Variants in DCDC1 observed in about 807,000 individuals in gnomAD.
DCDC1 encodes doublecortin domain-containing protein 1.
Under a neutral mutation model 178.3 loss-of-function variants are expected in DCDC1, and 200 were observed. That is an observed-to-expected ratio of 1.12 (90% CI 1.00 to 1.26). DCDC1 has a LOEUF of 1.26. DCDC1 is among the 50% of genes most tolerant of loss of function. The pLI is 0.00. For synonymous variants in DCDC1, 690 were observed against 604.8 expected (o/e 1.14, Z -2.07); for missense variants, 1,983 against 1,749.2 (o/e 1.13, Z -2.38).
chr11:31,212,997 C>A (rs986171701), intron 9 of DCDC1, among the ~76,000 whole-genome samples: 2 of 151,836 alleles, frequency 1.3e-5, no homozygotes, highest in African/African-American at 4.8e-5. Flanking sequence ...TAGGAGGAAG[C>A]TTTCTTCCTT....
At chr11:31,322,577 C>T (rs1415115757) in intron 3 of DCDC1, among the ~76,000 whole-genome samples, 1 of 152,010 alleles carries the variant, frequency 6.6e-6, no homozygotes, top group Non-Finnish European at 1.5e-5. Flanking sequence ...GGTTATTTGC[C>T]CTAATGAAAA....
At chr11:31,337,294 C>T (rs776736775) in intron 1 of DCDC1, among the ~76,000 whole-genome samples, 23 of 152,198 alleles carry the variant, frequency 1.5e-4, no homozygotes, top group Non-Finnish European at 2.8e-4. Flanking sequence ...CAAACTGAAA[C>T]TATAAAAAGT....
At chr11:30,899,790 A>T in intron 33 of DCDC1, 148 bp from the exon 34 acceptor site, 1 of 562,694 alleles carries the variant, frequency 1.8e-6, no homozygotes. Flanking sequence ...CTTCATTTGA[A>T]AGATGACAGG....
At chr11:31,268,754 G>A (rs1945349621) in intron 7 of DCDC1, among the ~76,000 whole-genome samples, 1 of 152,148 alleles carries the variant, frequency 6.6e-6, no homozygotes, top group Non-Finnish European at 1.5e-5. Context: ...TGGGATTGCT[G>A]GGTCAAATGG....
At chr11:31,164,659 A>G (rs1228901337) in intron 9 of DCDC1, among the ~76,000 whole-genome samples, 2 of 152,222 alleles carry the variant, frequency 1.3e-5, no homozygotes, top group Non-Finnish European at 2.9e-5. Context: ...GCTAAATCTT[A>G]CTAGAAAACA....
At chr11:30,979,111 G>A (rs1252742687) in intron 20 of DCDC1, among the ~76,000 whole-genome samples, 1 of 151,470 alleles carries the variant, frequency 6.6e-6, no homozygotes, top group African/African-American at 2.4e-5. Flanking sequence ...AAGAAATTTG[G>A]AGAGGGAGGG....
Position 31,141,768 on chromosome 11 carries a change from AT to A in DCDC1, c.1222-3985del, listed in dbSNP as rs1212200729. 2.0e-5 allele frequency among the ~76,000 whole-genome samples: 3 copies of A among 152,286 alleles called. No individual in the cohort carries two copies. The South Asian group carries it at 6.2e-4, about 32-fold the overall frequency. On this transcript the variant is annotated intron_variant, in intron 9 of 38. Transcript: ENST00000684477. ...ATGGTTATAAAGGCCAGCTGCAGGT[AT>A]TTTTTTGGAAAGTGCATTTTAATAA...
At chr11:31,337,657 T>A (rs1179052498) in intron 1 of DCDC1, among the ~76,000 whole-genome samples, 1 of 96,312 alleles carries the variant, frequency 1.0e-5, no homozygotes, top group East Asian at 2.3e-4. Flanking sequence ...TGAGACCCTG[T>A]CTCAATCAAT....
At chr11:31,052,394 C>G (rs191217300) in intron 20 of DCDC1, among the ~76,000 whole-genome samples, 5 of 152,112 alleles carry the variant, frequency 3.3e-5, no homozygotes, top group Admixed American at 1.3e-4. Flanking sequence ...GACCACAACA[C>G]AATAATAGTG....
chr11:31,020,423 A>C (rs1332182254), intron 20 of DCDC1, among the ~76,000 whole-genome samples: 1 of 152,160 alleles, frequency 6.6e-6, no homozygotes, highest in Non-Finnish European at 1.5e-5. Flanking sequence ...TGACAACTCT[A>C]AAACACACAT....
chr11:30,895,390 C>T (rs906062960), intron 34 of DCDC1, among the ~76,000 whole-genome samples: 2 of 152,080 alleles, frequency 1.3e-5, no homozygotes, highest in African/African-American at 4.8e-5. Flanking sequence ...TAGTCTGAGG[C>T]ACAACAGAAG....
chr11:31,284,570 T>C (rs1414193830), intron 7 of DCDC1, among the ~76,000 whole-genome samples: 1 of 151,956 alleles, frequency 6.6e-6, no homozygotes, highest in Non-Finnish European at 1.5e-5. Flanking sequence ...AATGTACATA[T>C]AAAAACTATA....
intron 13 of DCDC1, among the ~76,000 whole-genome samples, chr11:31,104,364 C>T (rs142320212): frequency 1.4e-3 from 209 of 152,226 alleles, no homozygotes; most frequent in African/African-American, 4.8e-3. Context: ...AAATCAACGA[C>T]ATCACCTCTG....
rs1032223946 is a variant in DCDC1, at chr11:31,127,503, G to A, written c.1451C>T (p.Ala484Val). The change falls in exon 11 of 39, where the codon GCA (alanine) becomes GTA (valine). Residue 484 changes from alanine (A) to valine (V), a missense_variant. Transcript: ENST00000684477. Reference sequence around the variant, plus strand: ...CAGGCCTCCTGGGACAAGCGTGTTTGCTGGAAGGCTTTTAATGTGTTGGTA... The same window carrying A: ...CAGGCCTCCTGGGACAAGCGTGTTTACTGGAAGGCTTTTAATGTGTTGGTA... ...YVYQHIKSLPANTLVPGGLQL... is the reference protein window; with the variant it reads ...YVYQHIKSLPVNTLVPGGLQL... 4 of 702,516 alleles carry A rather than the reference G, an allele frequency of 5.7e-6. No individual in the cohort carries two copies. In the African/African-American group the frequency reaches 7.0e-5, roughly 12 times the overall value. 43.5% of individuals were successfully genotyped at this position (702,516 alleles called of 1,614,324 possible).
intron 15 of DCDC1, among the ~76,000 whole-genome samples, chr11:31,101,224 T>C (rs1958482573): frequency 6.6e-6 from 1 of 152,200 alleles, no homozygotes. Flanking sequence ...CTTTTGATTT[T>C]GATTTCATGT....
intron 9 of DCDC1, among the ~76,000 whole-genome samples, chr11:31,197,086 G>A (rs1970780202): frequency 6.6e-6 from 1 of 152,026 alleles, no homozygotes; most frequent in African/African-American, 2.4e-5. Context: ...ACAGGGACAG[G>A]ACCAAATATA....
intron 20 of DCDC1, among the ~76,000 whole-genome samples, chr11:31,062,926 C>T (rs2135475697): frequency 6.8e-6 from 1 of 147,100 alleles, no homozygotes; most frequent in South Asian, 2.3e-4. Context: ...AGGTATATCT[C>T]CTAATGTTAT....
chr11:30,909,085 T>C lies in DCDC1; in HGVS notation c.3779A>G (p.Asn1260Ser), dbSNP rs1461827773. The C allele has an allele frequency of 3.1e-6, 5 of 1,611,594 alleles. No homozygotes were observed. The highest frequency in any genetic ancestry group is 1.7e-5 in the Admixed American group (1 of 59,916). The change falls in exon 29 of 39, where the codon AAT becomes AGT. Residue 1260 changes from asparagine (N) to serine (S), a missense_variant. Coordinates refer to ENST00000684477, the MANE Select transcript of DCDC1 (RefSeq NM_001387274.1). ...ATTTTTCATGTAATGCCACTTTTGA[T>C]TGGCAGCTCCATTGTTGTACGGCTT... ...KYKPYNNGAA[N>S]QKWHYMKNIK...
At chr11:31,219,288 A>AT (rs964888994) in intron 9 of DCDC1, among the ~76,000 whole-genome samples, 32 of 152,174 alleles carry the variant, frequency 2.1e-4, no homozygotes, top group Non-Finnish European at 4.3e-4. Flanking sequence ...CAAAAACAAG[A>AT]TTTTTTTTAA....
Sources: allele counts gnomAD v4.1 joint callset (sites outside exome capture counted in the v4.1 genomes callset), GRCh38; gene constraint gnomAD v4.1.1; transcripts MANE v1.5; gene names NCBI Gene and HGNC (gene_info 2026-07-23, HGNC 2026-07-21).